Variants in ASZ1 observed in about 807,000 individuals in gnomAD.
The protein encoded by ASZ1 is ankyrin repeat, SAM and basic leucine zipper domain containing 1.
Under a neutral mutation model 61.8 loss-of-function variants are expected in ASZ1, and 67 were observed. The observed-to-expected ratio is 1.08, with a 90% CI of 0.89 to 1.33. The LOEUF is 1.33. Among genes scored for constraint, ASZ1 ranks in the 40% most tolerant of loss-of-function variants. The probability of loss-of-function intolerance (pLI) is 0.00; values close to 1 mark genes in which losing one functional copy is unlikely to be tolerated. For synonymous variants in ASZ1, 193 were observed against 192.7 expected, an observed-to-expected ratio of 1.00 and a Z score of -0.01; for missense variants, 577 against 554.5, an observed-to-expected ratio of 1.04 and a Z score of -0.41.
At chr7:117,379,405 GTA>G (rs1163920327) in intron 10 of ASZ1, among the ~76,000 whole-genome samples, 1 of 151,246 alleles carries the variant, frequency 6.6e-6, no homozygotes, top group East Asian at 1.9e-4. Flanking sequence ...GCTCTATAAT[GTA>G]TTAATAAAAT....
intron 4 of ASZ1, among the ~76,000 whole-genome samples, chr7:117,402,276 A>T (rs1796694718): frequency 6.6e-6 from 1 of 152,162 alleles, no homozygotes; most frequent in Non-Finnish European, 1.5e-5. Flanking sequence ...GCAAGTATGT[A>T]TGCTATTTGG....
At chr7:117,412,904 A>G (rs1193793656) in intron 4 of ASZ1, among the ~76,000 whole-genome samples, 1 of 151,906 alleles carries the variant, frequency 6.6e-6, no homozygotes, top group South Asian at 2.1e-4. Flanking sequence ...TGCCAACTCC[A>G]AACTTAAGGT....
chr7:117,363,892 T>C (rs1437034190), intron 12 of ASZ1, 144 bp from the exon 13 acceptor site: 2 of 603,364 alleles, frequency 3.3e-6, no homozygotes, highest in Non-Finnish European at 5.0e-6. Context: ...CCATGGAAGA[T>C]TTAAAGTAAA....
At chr7:117,384,690 C>T in intron 6 of ASZ1, 36 bp downstream of exon 6, 3 of 1,566,590 alleles carry the variant, frequency 1.9e-6, no homozygotes, top group Non-Finnish European at 2.6e-6. Flanking sequence ...ATGTGATATG[C>T]CACAGAAAAT....
chr7:117,425,255 ATTTCTT>A (rs1797175111), intron 2 of ASZ1, among the ~76,000 whole-genome samples: 1 of 86,688 alleles, frequency 1.2e-5, no homozygotes, highest in Admixed American at 1.4e-4. Context: ...CCTTTGAGTA[ATTTCTT>A]TTTTTTTTTT....
chr7:117,404,122 A>G (rs1796734130), intron 4 of ASZ1, among the ~76,000 whole-genome samples: 1 of 152,060 alleles, frequency 6.6e-6, no homozygotes, highest in South Asian at 2.1e-4. Context: ...GGTGACCTAT[A>G]TATAGTTTTT....
chr7:117,423,625 CA>C (rs1797140575), intron 2 of ASZ1, among the ~76,000 whole-genome samples: 1 of 146,224 alleles, frequency 6.8e-6, no homozygotes, highest in Non-Finnish European at 1.5e-5. Flanking sequence ...GTGGGTGGAT[CA>C]CGAGGTCAGG....
intron 4 of ASZ1, among the ~76,000 whole-genome samples, chr7:117,399,449 T>C (rs1460555877): frequency 1.3e-5 from 2 of 152,356 alleles, no homozygotes; most frequent in Non-Finnish European, 1.5e-5. Flanking sequence ...CCTTGGAATC[T>C]CTTCCGTACT....
At chr7:117,419,589 G>A (rs1797061501) in intron 4 of ASZ1, among the ~76,000 whole-genome samples, 1 of 152,126 alleles carries the variant, frequency 6.6e-6, no homozygotes, top group Non-Finnish European at 1.5e-5. Flanking sequence ...AGAAGATAGA[G>A]TCAGAAAGGA....
chr7:117,403,104 G>A (rs577716401), intron 4 of ASZ1, among the ~76,000 whole-genome samples: 10 of 152,234 alleles, frequency 6.6e-5, no homozygotes, highest in East Asian at 5.8e-4. Flanking sequence ...GTAAAGGTCC[G>A]TTGTTCTCCT....
intron 10 of ASZ1, 94 bp from the exon 11 acceptor site, chr7:117,368,811 ATT>A (rs1795994059): frequency 6.4e-7 from 1 of 1,568,524 alleles, no homozygotes; most frequent in Non-Finnish European, 8.6e-7. Context: ...TAGTCATAAA[ATT>A]AGATTCTTCC....
At chr7:117,422,617 GTATAT>G (rs1032553820) in intron 2 of ASZ1, among the ~76,000 whole-genome samples, 5 of 152,140 alleles carry the variant, frequency 3.3e-5, no homozygotes, top group Non-Finnish European at 7.4e-5. Context: ...AACTGAGTAT[GTATAT>G]TATAACAGGT....
intron 6 of ASZ1, among the ~76,000 whole-genome samples, chr7:117,383,927 T>C (rs1196595883): frequency 1.3e-5 from 2 of 152,054 alleles, no homozygotes; most frequent in African/African-American, 4.8e-5. Context: ...AGAATAATAT[T>C]TGGAAAATGA....
At chr7:117,416,733 TGAAAATCTGA>T (rs1797001143) in intron 4 of ASZ1, among the ~76,000 whole-genome samples, 1 of 152,228 alleles carries the variant, frequency 6.6e-6, no homozygotes, top group Non-Finnish European at 1.5e-5. Context: ...AACTGTACAC[TGAAAATCTGA>T]GTATTTTAAT....
chr7:117,382,096 T>A lies in ASZ1; in HGVS notation c.861A>T (p.Gly287=). ...TTAGTAAATCTGTCATATGTTCAAG[T>A]CCAAGACCATGTAAAAATACTTCCA... is the stretch of plus-strand genomic sequence containing the variant. ...GDLEVFLHGL[G]LEHMTDLLKE... Residue 287 remains glycine, a synonymous_variant, in exon 8 of 13, where the codon GGA becomes GGT. Coordinates refer to ENST00000284629, the MANE Select transcript of ASZ1 (RefSeq NM_130768.3). The A allele has an allele frequency of 1.9e-6, 3 of 1,597,306 alleles. No individual in the cohort carries two copies. Among genetic ancestry groups the A allele is most frequent in the Non-Finnish European group, 2.6e-6 (3 of 1,165,214 alleles).
chr7:117,397,493 T>TATC (rs1489641489), intron 4 of ASZ1, among the ~76,000 whole-genome samples: 9 of 152,196 alleles, frequency 5.9e-5, no homozygotes, highest in Non-Finnish European at 1.3e-4. Flanking sequence ...ACATAAAAAA[T>TATC]ATCTAGTGCT....
intron 4 of ASZ1, among the ~76,000 whole-genome samples, chr7:117,401,840 C>T (rs1796687687): frequency 6.6e-6 from 1 of 152,080 alleles, no homozygotes; most frequent in Non-Finnish European, 1.5e-5. Context: ...GATTCCTTAG[C>T]TTGGAAGCTC....
chr7:117,394,933 T>G (rs1490926901), intron 4 of ASZ1, among the ~76,000 whole-genome samples: 1 of 152,220 alleles, frequency 6.6e-6, no homozygotes, highest in Non-Finnish European at 1.5e-5. Flanking sequence ...TCTTTTATTG[T>G]TCAGGAATAA....
At position 117,367,614 on chromosome 7, in the gene ASZ1, A is replaced by C. The variant is rs879567660; in HGVS notation, c.1162-149T>G. 1.0e-4 allele frequency: 120 copies of C among 1,145,396 alleles called. No homozygotes were observed. The African/African-American group carries it at 1.8e-3, about 18-fold the overall frequency. The allele number at this position is 1,145,396 out of a possible 1,614,324, so 71.0% of individuals were successfully genotyped here. A position where few individuals can be genotyped will look rare whatever the true frequency, so the allele number is the denominator to read the frequency against. ...TAGGATAAATACTGACACCAAAAAT[A>C]AGTAATTTTATAAAAATATAATCAA... On this transcript the variant is annotated intron_variant, in intron 11 of 12. Coordinates refer to ENST00000284629, the MANE Select transcript of ASZ1 (RefSeq NM_130768.3).
Sources: allele counts gnomAD v4.1 joint callset (sites outside exome capture counted in the v4.1 genomes callset), GRCh38; gene constraint gnomAD v4.1.1; transcripts MANE v1.5; gene names NCBI Gene and HGNC (gene_info 2026-07-23, HGNC 2026-07-21).